SLC26A4: variants seen among roughly 807,000 people sequenced by gnomAD.
SLC26A4 encodes the protein pendrin.
Under a neutral mutation model 90.4 loss-of-function variants are expected in SLC26A4, and 93 were observed. The ratio of observed to expected loss-of-function variants is 1.03; its 90% CI spans 0.87 to 1.22. The LOEUF is 1.22. Ranked by LOEUF, SLC26A4 falls within the 50% of genes most tolerant of loss-of-function variation. The pLI is 0.00. For synonymous variants in SLC26A4, 393 were observed against 354.6 expected (o/e 1.11, Z -1.22); for missense variants, 1,127 against 946.2 (o/e 1.19, Z -2.51).
rs140641392 is a variant in SLC26A4, at chr7:107,716,976, A to G, written c.*1530A>G. On this transcript the variant is annotated 3_prime_UTR_variant, in exon 21 of 21. Coordinates refer to ENST00000644269, the MANE Select transcript of SLC26A4 (RefSeq NM_000441.2). Reference sequence around the variant, plus strand: ...TGGGTTAATCCTGAATTCTGGTTGTAAATCTGGTTACAGCATAACTAGGAT... The same window carrying G: ...TGGGTTAATCCTGAATTCTGGTTGTGAATCTGGTTACAGCATAACTAGGAT... 8 of 152,348 alleles carry G rather than the reference A, an allele frequency of 5.3e-5. No individual in the cohort carries two copies. The highest frequency in any genetic ancestry group is 1.9e-4 in the African/African-American group (8 of 41,580). The allele number at this position is 152,348 out of a possible 1,614,324, so 9.4% of individuals were successfully genotyped here.
At chr7:107,663,745 G>T (rs1287710513) in intron 3 of SLC26A4, among the ~76,000 whole-genome samples, 3 of 151,834 alleles carry the variant, frequency 2.0e-5, no homozygotes, top group African/African-American at 2.4e-5. Context: ...GTGCAGTGGC[G>T]CAATCCTGGC....
In SLC26A4 at chr7:107,674,331, C is replaced by G; in HGVS notation, c.583C>G (p.Leu195Val). The change falls in exon 5 of 21, where the codon CTG becomes GTG. Residue 195 changes from leucine to valine, a missense_variant. Leu to Val is a conservative substitution (Grantham distance 32). Transcript: ENST00000644269. ...CCTGATTGCCAGTGCCCTGACTCTG[C>G]TGGTTGGAATTATACAGGTAATGAA... ...RVLIASALTLLVGIIQLIFGG... is the reference protein window; with the variant it reads ...RVLIASALTLVVGIIQLIFGG... 2 of 1,612,340 alleles carry G rather than the reference C, an allele frequency of 1.2e-6. No homozygotes were observed. The highest frequency in any genetic ancestry group is 1.7e-6 in the Non-Finnish European group (2 of 1,178,434).
chr7:107,677,568 GT>G (rs959835199), intron 6 of SLC26A4, among the ~76,000 whole-genome samples: 2 of 151,164 alleles, frequency 1.3e-5, no homozygotes, highest in Admixed American at 6.6e-5. Context: ...TTCTTGATAT[GT>G]TTTTTCCTGT....
At chr7:107,663,504 G>C in intron 3 of SLC26A4, 69 bp downstream of exon 3, 1 of 1,542,286 alleles carries the variant, frequency 6.5e-7, no homozygotes, top group Non-Finnish European at 9.0e-7. Flanking sequence ...AGCTACCATA[G>C]GTCTGTGACA....
intron 6 of SLC26A4, among the ~76,000 whole-genome samples, chr7:107,675,978 G>A (rs1791014729): frequency 6.6e-6 from 1 of 152,176 alleles, no homozygotes; most frequent in Non-Finnish European, 1.5e-5. Context: ...AAAACAAAGT[G>A]GTCTAATGAA....
rs114178961 is a variant in SLC26A4, at chr7:107,677,420, G to A, written c.765+2311G>A. On this transcript the variant is annotated intron_variant, in intron 6 of 20. Coordinates refer to ENST00000644269, the MANE Select transcript of SLC26A4 (RefSeq NM_000441.2). ...GTGTAAGGCACTTAGCACAATATCT[G>A]TCACATAGTAAGAATTGAGTTTATT... is the stretch of plus-strand genomic sequence containing the variant. 5.0e-3 allele frequency among the ~76,000 whole-genome samples: 759 copies of A among 152,170 alleles called. 4 individuals are homozygous for A. Among genetic ancestry groups the A allele is most frequent in the African/African-American group, 0.018 (739 of 41,506 alleles).
chr7:107,682,966 A>G (rs1229915104), intron 6 of SLC26A4, among the ~76,000 whole-genome samples: 1 of 152,196 alleles, frequency 6.6e-6, no homozygotes, highest in Admixed American at 6.6e-5. Context: ...CCAAGTAAAC[A>G]ATCATAAAAA....
Position 107,661,508 on chromosome 7 carries a change from A to C in SLC26A4, c.-3-131A>C. ...GAGCGCCGAGGGCTGCAGGACGCGG[A>C]CCAGACTCGCGGTGCAGGGGGGCCT... On this transcript the variant is annotated intron_variant, in intron 1 of 20. Coordinates refer to ENST00000644269, the MANE Select transcript of SLC26A4 (RefSeq NM_000441.2). The surrounding 1 kb of genome is among the most constrained non-coding windows in gnomAD (Gnocchi z 5.1). The C allele has an allele frequency of 9.4e-7, 1 of 1,061,424 alleles. No individual in the cohort carries two copies. Among genetic ancestry groups the C allele is most frequent in the South Asian group, 1.4e-5 (1 of 69,774 alleles). 65.8% of individuals were successfully genotyped at this position (1,061,424 alleles called of 1,614,324 possible). A position where few individuals can be genotyped will look rare whatever the true frequency, so the allele number is the denominator to read the frequency against.
rs1184647467 is a variant in SLC26A4 at position 107,701,704 on chromosome 7, A to T, written c.1804-123A>T. On this transcript the variant is annotated intron_variant, in intron 16 of 20. Coordinates refer to ENST00000644269, the MANE Select transcript of SLC26A4 (RefSeq NM_000441.2). ...GCTGAGGTGAAACCCATCCTTAAAA[A>T]TTCATCTCCTTGATGTCTTGCTTAC... The T allele has an allele frequency of 6.8e-6, 5 of 731,714 alleles. 1 individual carries two copies. Among genetic ancestry groups the T allele is most frequent in the South Asian group, 6.3e-5 (4 of 63,698 alleles). 45.3% of individuals were successfully genotyped at this position (731,714 alleles called of 1,614,324 possible). A position where few individuals can be genotyped will look rare whatever the true frequency, so the allele number is the denominator to read the frequency against.
chr7:107,690,169 T>C lies in SLC26A4; in HGVS notation c.1195T>C (p.Ser399Pro), dbSNP rs747431002. 9.5e-5 allele frequency: 154 copies of C among 1,613,456 alleles called. 2 individuals are homozygous for C. In the Middle Eastern group the frequency reaches 1.8e-3, roughly 19 times the overall value. ...GISNIFSGFF[S>P]CFVATTALSR... is the part of the protein sequence containing the mutation. ...CAGCAACATCTTCTCAGGATTCTTC[T>C]CTTGTTTTGTGGCCACCACTGCTCT... The change falls in exon 10 of 21, where the codon TCT (serine) becomes CCT (proline). Residue 399 changes from serine to proline, a missense_variant. Physicochemically the swap from Ser to Pro is moderately conservative, Grantham distance 74. Coordinates refer to ENST00000644269, the MANE Select transcript of SLC26A4 (RefSeq NM_000441.2).
rs141923899 is a variant in SLC26A4, at chr7:107,669,419, C to T, written c.305-2719C>T. 1.2e-3 allele frequency among the ~76,000 whole-genome samples: 188 copies of T among 152,178 alleles called. No individual in the cohort carries two copies. In the East Asian group the frequency reaches 0.021, roughly 17 times the overall value. On this transcript the variant is annotated intron_variant, in intron 3 of 20. Coordinates refer to ENST00000644269, the MANE Select transcript of SLC26A4 (RefSeq NM_000441.2). ...CCAGGCATATTAAGAACTGCAGAGC[C>T]CAGTTTGGGGAAATGGAAGTTTGAG...
At chr7:107,691,402 T>C (rs1384709390) in intron 10 of SLC26A4, among the ~76,000 whole-genome samples, 1 of 151,822 alleles carries the variant, frequency 6.6e-6, no homozygotes, top group Non-Finnish European at 1.5e-5. Flanking sequence ...CTTGGGAGGC[T>C]GAGGCAGGAG....
Position 107,663,417 on chromosome 7 carries a change from C to G in SLC26A4, c.286C>G (p.Leu96Val). ...CGTCATTTCGGGAGTTAGTACTGGG[C>G]TAGTGGCCACGCTGCAAGGTAAGAT... ...SDVISGVSTG[L>V]VATLQGMAYA... is the part of the protein sequence containing the mutation. Residue 96 changes from leucine (L) to valine (V), a missense_variant, in exon 3 of 21, where the codon CTA becomes GTA. Transcript: ENST00000644269. 1 of 1,614,058 alleles carries G rather than the reference C, an allele frequency of 6.2e-7. No homozygotes were observed. Among genetic ancestry groups the G allele is most frequent in the African/African-American group, 1.3e-5 (1 of 75,020 alleles).
chr7:107,713,881 T>C (rs937210761), intron 20 of SLC26A4, among the ~76,000 whole-genome samples: 1 of 149,142 alleles, frequency 6.7e-6, no homozygotes, highest in Non-Finnish European at 1.5e-5. Context: ...TGGTTCTTGT[T>C]TACTGACATA....
At position 107,689,119 on chromosome 7, in the gene SLC26A4, C is replaced by T. The variant is rs886061885; in HGVS notation, c.1068C>T (p.Ile356=). ...FSEMLAASFS[I]AVVAYAIAVS... ...AGATGCTGGCTGCATCATTTTCCAT[C>T]GCTGTGGTGGCTTATGCTATTGCAG... The change falls in exon 9 of 21, where the codon ATC becomes ATT. Residue 356 remains isoleucine (I), a synonymous_variant. Transcript: ENST00000644269. 5.6e-6 allele frequency: 9 copies of T among 1,613,750 alleles called. No homozygotes were observed. Among genetic ancestry groups the T allele is most frequent in the African/African-American group, 2.7e-5 (2 of 74,902 alleles).
chr7:107,714,848 G>A (rs112287193), intron 20 of SLC26A4, among the ~76,000 whole-genome samples: 3 of 152,196 alleles, frequency 2.0e-5, no homozygotes, highest in African/African-American at 7.2e-5. Context: ...AAGGATAAAT[G>A]TAAAGTAACA....
chr7:107,694,451 C>G lies in SLC26A4; in HGVS notation c.1312C>G (p.Leu438Val). 1.2e-6 allele frequency: 2 copies of G among 1,613,716 alleles called. No individual in the cohort carries two copies. Among genetic ancestry groups the G allele is most frequent in the Non-Finnish European group, 1.7e-6 (2 of 1,179,702 alleles). Reference sequence around the variant, plus strand: ...GATTGTGATGATCGCCATTCTTGCCCTGGGGAAGCTTCTGGAACCCTTGCA... The same window carrying G: ...GATTGTGATGATCGCCATTCTTGCCGTGGGGAAGCTTCTGGAACCCTTGCA... Reference protein sequence around the residue: ...AAIVMIAILALGKLLEPLQKS... With the variant: ...AAIVMIAILAVGKLLEPLQKS... Residue 438 changes from leucine (L) to valine (V), a missense_variant, in exon 11 of 21, where the codon CTG becomes GTG. Physicochemically the swap from Leu to Val is conservative, Grantham distance 32. Transcript: ENST00000644269.
intron 3 of SLC26A4, among the ~76,000 whole-genome samples, chr7:107,664,335 G>A (rs1790652373): frequency 6.6e-6 from 1 of 152,184 alleles, no homozygotes. Flanking sequence ...GGGTTCAAGT[G>A]ATTCTTGTGC....
At chr7:107,670,377 G>A (rs1008951871) in intron 3 of SLC26A4, among the ~76,000 whole-genome samples, 1 of 152,000 alleles carries the variant, frequency 6.6e-6, no homozygotes, top group Non-Finnish European at 1.5e-5. Context: ...AAAGTGCTGG[G>A]ATTACAGGTG....
Sources: gnomAD v4.1 joint callset for allele counts (sites outside exome capture counted in the v4.1 genomes callset) on GRCh38, gnomAD v4.1.1 for gene constraint, Gnocchi (gnomAD v3.1) non-coding constraint, MANE v1.5 for transcripts, NCBI Gene and HGNC (gene_info 2026-07-23, HGNC 2026-07-21) for gene names.